The following BMP5 variants were observed in gnomAD, a reference collection of about 807,000 sequenced individuals.
BMP5 encodes the protein bone morphogenetic protein 5.
A neutral mutation model predicts 46.6 loss-of-function variants in BMP5; 23 were observed. That is an observed-to-expected ratio of 0.49 (90% CI 0.35 to 0.70). BMP5 has a LOEUF of 0.70. BMP5 is among the 30% of genes least tolerant of loss of function. BMP5 has a pLI of 0.00. For missense variants in BMP5, 545 were observed against 565.6 expected (o/e 0.96, Z 0.37); for synonymous variants, 204 against 191.9 (o/e 1.06, Z -0.52).
intron 1 of BMP5, among the ~76,000 whole-genome samples, chr6:55,827,406 G>A (rs963910423): frequency 6.6e-6 from 1 of 151,576 alleles, no homozygotes; most frequent in African/African-American, 2.4e-5. Flanking sequence ...AAACCTGCAG[G>A]CTAGGTTCCT....
At chr6:55,760,246 G>C (rs1411255494) in intron 5 of BMP5, among the ~76,000 whole-genome samples, 1 of 151,816 alleles carries the variant, frequency 6.6e-6, no homozygotes. Context: ...ATTCAGCGTA[G>C]TTTTTTTGTT....
rs138496166 is a variant in BMP5, at chr6:55,755,366, C to A, written c.*167G>T. 3 of 633,334 alleles carry A rather than the reference C, an allele frequency of 4.7e-6. No individual in the cohort carries two copies. Among genetic ancestry groups the A allele is most frequent in the Non-Finnish European group, 8.1e-6 (3 of 368,424 alleles). The allele number at this position is 633,334 out of a possible 1,614,324, so 39.2% of individuals were successfully genotyped here. A position where few individuals can be genotyped will look rare whatever the true frequency, so the allele number is the denominator to read the frequency against. On this transcript the variant is annotated 3_prime_UTR_variant, in exon 7 of 7. Coordinates refer to ENST00000370830, the MANE Select transcript of BMP5 (RefSeq NM_021073.4). ...AAGCCTCCACAGAAGAGAATATATA[C>A]GTTTAAATAAATAAAAATGACTATA...
chr6:55,802,138 T>C (rs897564300), intron 2 of BMP5, among the ~76,000 whole-genome samples: 2 of 152,202 alleles, frequency 1.3e-5, no homozygotes, highest in African/African-American at 4.8e-5. Flanking sequence ...ATGATTCAAC[T>C]AGCAAAATCT....
At chr6:55,870,024 AG>A (rs1172373480) in intron 1 of BMP5, among the ~76,000 whole-genome samples, 1 of 152,128 alleles carries the variant, frequency 6.6e-6, no homozygotes, top group Non-Finnish European at 1.5e-5. Context: ...CAAGGAGGAA[AG>A]GCCAAAAAAT....
At chr6:55,799,412 G>A (rs1394879963) in intron 2 of BMP5, among the ~76,000 whole-genome samples, 1 of 152,254 alleles carries the variant, frequency 6.6e-6, no homozygotes, top group South Asian at 2.1e-4. Context: ...AGCAGAAAGA[G>A]GAGAAAAGGA....
intron 1 of BMP5, among the ~76,000 whole-genome samples, chr6:55,830,301 A>T (rs1414135598): frequency 6.6e-6 from 1 of 152,108 alleles, no homozygotes; most frequent in Non-Finnish European, 1.5e-5. Context: ...ATGAGACCAC[A>T]CTGTAATTAG....
intron 1 of BMP5, among the ~76,000 whole-genome samples, chr6:55,869,774 G>A (rs1777736106): frequency 6.6e-6 from 1 of 152,216 alleles, no homozygotes; most frequent in African/African-American, 2.4e-5. Flanking sequence ...AGCCAGGGCA[G>A]CTCTGATGCC....
At position 55,774,075 on chromosome 6, in the gene BMP5, T is replaced by C. The variant is rs778695144; in HGVS notation, c.1001A>G (p.Asp334Gly). Residue 334 changes from aspartate (D) to glycine (G), a missense_variant, in exon 4 of 7, where the codon GAC becomes GGC. Physicochemically the swap from Asp to Gly is moderately conservative, Grantham distance 94 (BLOSUM62 -1). Transcript: ENST00000370830. ...QNRNKSSSHQ[D>G]SSRMSSVGDY... ...TCCAACACTGGACATTCTGGAGGAG[T>C]CCTGATGAGAGCTGGATTTATTGCG... The C allele has an allele frequency of 1.9e-6, 3 of 1,612,542 alleles. No individual in the cohort carries two copies. Among genetic ancestry groups the C allele is most frequent in the Non-Finnish European group, 2.5e-6 (3 of 1,179,234 alleles).
At chr6:55,820,505 C>T (rs1031446255) in intron 1 of BMP5, among the ~76,000 whole-genome samples, 1 of 151,982 alleles carries the variant, frequency 6.6e-6, no homozygotes, top group Non-Finnish European at 1.5e-5. Context: ...GACGCCTGGA[C>T]CTCCCAGGCT....
intron 1 of BMP5, among the ~76,000 whole-genome samples, chr6:55,859,341 T>G (rs1470260091): frequency 6.6e-6 from 1 of 152,144 alleles, no homozygotes; most frequent in Non-Finnish European, 1.5e-5. Flanking sequence ...TGGTCAGGAA[T>G]GTTTAAGAAC....
chr6:55,847,999 C>A (rs771773887), intron 1 of BMP5, among the ~76,000 whole-genome samples: 18 of 152,004 alleles, frequency 1.2e-4, no homozygotes, highest in African/African-American at 4.3e-4. Flanking sequence ...TACAGTTAAT[C>A]TTTTAAGCCA....
At chr6:55,800,789 T>A (rs1333709676) in intron 2 of BMP5, among the ~76,000 whole-genome samples, 1 of 152,208 alleles carries the variant, frequency 6.6e-6, no homozygotes, top group Non-Finnish European at 1.5e-5. Context: ...TAAGGAAATT[T>A]AAAGAGAAAT....
chr6:55,860,676 C>T (rs1185363924), intron 1 of BMP5, among the ~76,000 whole-genome samples: 2 of 152,108 alleles, frequency 1.3e-5, no homozygotes, highest in African/African-American at 2.4e-5. Flanking sequence ...TACTTCTTGC[C>T]TTGCTTTTCA....
chr6:55,853,591 T>C (rs995224248), intron 1 of BMP5, among the ~76,000 whole-genome samples: 1 of 152,176 alleles, frequency 6.6e-6, no homozygotes, highest in African/African-American at 2.4e-5. Flanking sequence ...ACAGTGTCAA[T>C]GACAAAATAT....
intron 1 of BMP5, among the ~76,000 whole-genome samples, chr6:55,828,509 A>T (rs111871030): frequency 6.6e-6 from 1 of 151,824 alleles, no homozygotes. Context: ...GCCATTTTAC[A>T]TATGATGTCA....
intron 1 of BMP5, among the ~76,000 whole-genome samples, chr6:55,846,498 A>T (rs917403366): frequency 1.3e-5 from 2 of 151,922 alleles, no homozygotes; most frequent in African/African-American, 4.8e-5. Flanking sequence ...AAAAACTATA[A>T]TAGTCTCTCA....
At chr6:55,779,724 A>G (rs1184271002) in intron 3 of BMP5, among the ~76,000 whole-genome samples, 1 of 152,038 alleles carries the variant, frequency 6.6e-6, no homozygotes, top group African/African-American at 2.4e-5. Flanking sequence ...ACTTTGTTAT[A>G]CTTTGATGAA....
intron 3 of BMP5, among the ~76,000 whole-genome samples, chr6:55,782,069 C>A (rs1775332280): frequency 6.6e-6 from 1 of 151,836 alleles, no homozygotes; most frequent in Non-Finnish European, 1.5e-5. Context: ...CAGTAGAGAA[C>A]TGATACTGAG....
In BMP5 at chr6:55,774,118, T is replaced by C. The variant is rs1187553800; in HGVS notation, c.958A>G (p.Lys320Glu). The C allele has an allele frequency of 6.2e-7, 1 of 1,613,128 alleles. No individual in the cohort carries two copies. The highest frequency in any genetic ancestry group is 8.5e-7 in the Non-Finnish European group (1 of 1,179,432). The change falls in exon 4 of 7, where the codon AAA becomes GAA. Residue 320 changes from lysine to glutamate, a missense_variant. By Grantham distance (56) the Lys-to-Glu change is moderately conservative. Transcript: ENST00000370830. ...TTATTGCGGTTTTGATTTTTTCGTT[T>C]GTTGGCTGCTCTCACGGATCGAAGA... The part of the protein sequence containing the change: ...VLLRSVRAAN[K>E]RKNQNRNKSS...
Sources: gnomAD v4.1 joint callset for allele counts (sites outside exome capture counted in the v4.1 genomes callset) on GRCh38, gnomAD v4.1.1 for gene constraint, MANE v1.5 for transcripts, NCBI Gene and HGNC (gene_info 2026-07-23, HGNC 2026-07-21) for gene names.